CCDC144A: variants seen among roughly 807,000 people sequenced by gnomAD.
CCDC144A encodes coiled-coil domain-containing protein 144A.
A neutral mutation model predicts 143.8 loss-of-function variants in CCDC144A; 41 were observed. The observed-to-expected ratio is 0.29, with a 90% CI of 0.22 to 0.37. The LOEUF is 0.37. Among genes scored for constraint, CCDC144A ranks in the 10% least tolerant of loss-of-function variants. CCDC144A has a pLI of 1.00. For synonymous variants in CCDC144A, 242 were observed against 517.9 expected (o/e 0.47, Z 7.23); for missense variants, 637 against 1,488.8 (o/e 0.43, Z 9.41).
chr17:16,697,492 G>C (rs908105083), intron 2 of CCDC144A, among the ~76,000 whole-genome samples: 13 of 152,182 alleles, frequency 8.5e-5, no homozygotes, highest in Admixed American at 7.9e-4. Context: ...GGAAACAAAA[G>C]AAACATTTGC....
intron 12 of CCDC144A, among the ~76,000 whole-genome samples, chr17:16,756,613 T>A (rs1915100096): frequency 6.7e-6 from 1 of 149,338 alleles, no homozygotes; most frequent in Non-Finnish European, 1.5e-5. Flanking sequence ...AAGATCATTA[T>A]TTTGAATTTT....
chr17:16,684,196 G>C, the CCDC144A span: 5 of 987,354 alleles, frequency 5.1e-6, no homozygotes, highest in African/African-American at 4.8e-5. Context: ...TCGTGGCACT[G>C]GAGAGGCTGA....
chr17:16,776,496 T>A lies in CCDC144A; in HGVS notation c.*2863T>A, dbSNP rs1207858925. The A allele has an allele frequency of 1.3e-5, 2 of 152,274 alleles. No homozygotes were observed. Among genetic ancestry groups the A allele is most frequent in the African/African-American group, 2.4e-5 (1 of 41,458 alleles). 9.4% of individuals were successfully genotyped at this position (152,274 alleles called of 1,614,324 possible). A position where few individuals can be genotyped will look rare whatever the true frequency, so the allele number is the denominator to read the frequency against. On this transcript the variant is annotated 3_prime_UTR_variant, in exon 17 of 17. Transcript: ENST00000399273. ...TGGGAGTTAATTCATGAGTTTTCTC[T>A]CGGCTTGCCTGTTGTTGGTGTATAG...
intron 4 of CCDC144A, 43 bp from the exon 5 acceptor site, chr17:16,708,753 G>T: frequency 6.2e-7 from 1 of 1,610,818 alleles, no homozygotes. Flanking sequence ...AGACACCCAA[G>T]AAATAAAACA....
At chr17:16,712,650 A>C (rs1357558148) in intron 6 of CCDC144A, among the ~76,000 whole-genome samples, 1 of 152,140 alleles carries the variant, frequency 6.6e-6, no homozygotes, top group Non-Finnish European at 1.5e-5. Context: ...ATATATACTT[A>C]TGTATAAGGA....
At position 16,773,816 on chromosome 17, in the gene CCDC144A, A is replaced by C. The variant is rs1915914746; in HGVS notation, c.*183A>C. 1 of 603,710 alleles carries C rather than the reference A, an allele frequency of 1.7e-6. No homozygotes were observed. The highest frequency in any genetic ancestry group is 3.8e-5 in the Admixed American group (1 of 26,454). 37.4% of individuals were successfully genotyped at this position (603,710 alleles called of 1,614,324 possible). A position where few individuals can be genotyped will look rare whatever the true frequency, so the allele number is the denominator to read the frequency against. On this transcript the variant is annotated 3_prime_UTR_variant, in exon 17 of 17. Coordinates refer to ENST00000399273, the MANE Select transcript of CCDC144A (RefSeq NM_001382000.1). ...AACTTTTAAGTGGATTTTGCAAATG[A>C]AAACCAGTATTACTGAGTTTTACAT...
intron 5 of CCDC144A, among the ~76,000 whole-genome samples, chr17:16,711,152 AAAAAAAC>A (rs1475359250): frequency 3.7e-4 from 52 of 141,486 alleles, no homozygotes; most frequent in South Asian, 1.1e-3. Flanking sequence ...AAAAAAAAAA[AAAAAAAC>A]AAAAGTTAGT....
At chr17:16,673,220 C>A in the CCDC144A span, among the ~76,000 whole-genome samples, 9 of 151,846 alleles carry the variant, frequency 5.9e-5, no homozygotes, top group African/African-American at 1.9e-4. Context: ...CATACTAGGG[C>A]TGTTCTCAGA....
chr17:16,703,841 C>T (rs1445617108), intron 2 of CCDC144A, among the ~76,000 whole-genome samples: 1 of 152,118 alleles, frequency 6.6e-6, no homozygotes, highest in Non-Finnish European at 1.5e-5. Context: ...CAAGCACGCA[C>T]AGCCATACAT....
intron 9 of CCDC144A, among the ~76,000 whole-genome samples, chr17:16,728,775 T>C (rs932080356): frequency 1.3e-5 from 2 of 152,196 alleles, no homozygotes; most frequent in African/African-American, 4.8e-5. Flanking sequence ...ATGTCCATTA[T>C]ACTACTGTGT....
chr17:16,709,771 A>C, intron 5 of CCDC144A, 136 bp downstream of exon 5: 5 of 1,322,996 alleles, frequency 3.8e-6, no homozygotes, highest in Non-Finnish European at 5.1e-6. Flanking sequence ...GAAACAGATG[A>C]TTTCTAAGTA....
the CCDC144A span, among the ~76,000 whole-genome samples, chr17:16,669,995 A>G: frequency 6.6e-6 from 1 of 152,074 alleles, no homozygotes; most frequent in Non-Finnish European, 1.5e-5. Flanking sequence ...CACCTGACCA[A>G]CATGGTGAAA....
chr17:16,768,816 CCT>C (rs1299541152), intron 15 of CCDC144A, among the ~76,000 whole-genome samples: 1 of 150,894 alleles, frequency 6.6e-6, no homozygotes, highest in African/African-American at 2.5e-5. Flanking sequence ...TAACTACTCC[CCT>C]CTTTAAAGTG....
chr17:16,746,422 T>C (rs1269355416), intron 12 of CCDC144A: 49 of 1,576,354 alleles, frequency 3.1e-5, no homozygotes, highest in Non-Finnish European at 4.1e-5. Context: ...CCAAAAGAGG[T>C]GTGGTTCTTC....
intron 8 of CCDC144A, among the ~76,000 whole-genome samples, chr17:16,724,243 A>G (rs1913254872): frequency 6.6e-6 from 1 of 152,150 alleles, no homozygotes; most frequent in South Asian, 2.1e-4. Flanking sequence ...TTCTTTCATT[A>G]AGATTGATTG....
chr17:16,728,028 T>C, intron 9 of CCDC144A: 3 of 308,492 alleles, frequency 9.7e-6, no homozygotes, highest in South Asian at 8.5e-5. Flanking sequence ...TATTTATAAT[T>C]AATGATGTAA....
the CCDC144A span, chr17:16,667,006 C>G: frequency 2.0e-5 from 3 of 153,028 alleles, no homozygotes; most frequent in Admixed American, 6.5e-5. Context: ...CGCCCGGCTG[C>G]GACTTTCAGA....
Position 16,690,459 on chromosome 17 carries a change from T to G in CCDC144A, c.59T>G (p.Val20Gly). ...GGAEGSPKPA[V>G]YATRKTPSVG... ...GCTGAGGGGTCTCCGAAGCCGGCAGTCTACGCCACGAGGAAGACCCCTAGC... is the reference window on the plus strand; with the variant it reads ...GCTGAGGGGTCTCCGAAGCCGGCAGGCTACGCCACGAGGAAGACCCCTAGC... The change falls in exon 1 of 17, where the codon GTC becomes GGC. Residue 20 changes from valine (V) to glycine (G), a missense_variant. Val to Gly is a moderately radical substitution (Grantham distance 109). Coordinates refer to ENST00000399273, the MANE Select transcript of CCDC144A (RefSeq NM_001382000.1). 6.2e-7 allele frequency: 1 copy of G among 1,612,172 alleles called. No homozygotes were observed.
intron 5 of CCDC144A, among the ~76,000 whole-genome samples, chr17:16,710,703 G>A (rs1912354635): frequency 6.6e-6 from 1 of 152,102 alleles, no homozygotes; most frequent in African/African-American, 2.4e-5. Flanking sequence ...TGATGCCAAA[G>A]TAGAAAGCTG....
Sources: gnomAD v4.1 joint callset for allele counts (sites outside exome capture counted in the v4.1 genomes callset) on GRCh38, gnomAD v4.1.1 for gene constraint, MANE v1.5 for transcripts, NCBI Gene and HGNC (gene_info 2026-07-23, HGNC 2026-07-21) for gene names.